The following CSMD1 variants were observed in gnomAD, a reference collection of about 807,000 sequenced individuals.
CSMD1 encodes the protein CUB and sushi domain-containing protein 1.
In CSMD1, 213 loss-of-function variants were observed where a neutral mutation model predicts 417.5. That is an observed-to-expected ratio of 0.51 (90% CI 0.46 to 0.57). The LOEUF (loss-of-function observed/expected upper bound fraction) is 0.57, where lower values mean the gene tolerates loss of function less well. Among genes scored for constraint, CSMD1 ranks in the 20% least tolerant of loss-of-function variants. CSMD1 has a pLI of 0.00. For missense variants in CSMD1, 6,923 were observed against 4,529.7 expected, an observed-to-expected ratio of 1.53 and a Z score of -15.17; for synonymous variants, 2,862 against 1,736.8, an observed-to-expected ratio of 1.65 and a Z score of -16.11.
chr8:4,644,891 G>A (rs1204573869), intron 1 of CSMD1, among the ~76,000 whole-genome samples: 1 of 152,208 alleles, frequency 6.6e-6, no homozygotes, highest in African/African-American at 2.4e-5. Context: ...AATTGTTGAA[G>A]CCTGTGGGTG....
At chr8:3,949,243 A>C (rs1228387794) in intron 5 of CSMD1, among the ~76,000 whole-genome samples, 7 of 152,202 alleles carry the variant, frequency 4.6e-5, no homozygotes, top group Non-Finnish European at 8.8e-5. Flanking sequence ...TTTTGAAAAA[A>C]TACAATATAA....
At chr8:4,115,622 C>A (rs1284709133) in intron 3 of CSMD1, among the ~76,000 whole-genome samples, 1 of 152,116 alleles carries the variant, frequency 6.6e-6, no homozygotes, top group South Asian at 2.1e-4. Flanking sequence ...TGATCAAACT[C>A]CACACTTACC....
intron 1 of CSMD1, among the ~76,000 whole-genome samples, chr8:4,824,110 A>ACT (rs1491164125): frequency 1.5e-5 from 2 of 137,868 alleles, no homozygotes; most frequent in East Asian, 4.2e-4. Context: ...ACACACACAC[A>ACT]CTCTCCCTCT....
intron 2 of CSMD1, among the ~76,000 whole-genome samples, chr8:4,607,479 G>A (rs562907742): frequency 1.3e-5 from 2 of 152,150 alleles, no homozygotes; most frequent in African/African-American, 2.4e-5. Flanking sequence ...ATACGACCCA[G>A]AAAACCCAGG....
intron 3 of CSMD1, among the ~76,000 whole-genome samples, chr8:4,202,743 G>T (rs150429774): frequency 3.5e-4 from 53 of 152,294 alleles, no homozygotes; most frequent in African/African-American, 1.2e-3. Context: ...ATAACTAAGT[G>T]TTACAAAGGG....
chr8:4,639,834 G>T (rs1255258332), intron 1 of CSMD1, among the ~76,000 whole-genome samples: 2 of 152,040 alleles, frequency 1.3e-5, no homozygotes, highest in Non-Finnish European at 2.9e-5. Context: ...TTTAATGAAA[G>T]GGATTTATGA....
At chr8:3,405,596 T>A (rs918391580) in intron 15 of CSMD1, among the ~76,000 whole-genome samples, 1 of 106,252 alleles carries the variant, frequency 9.4e-6, no homozygotes, top group East Asian at 2.8e-4. Context: ...TTAGTTAGGA[T>A]AAGGTGTTGC....
intron 5 of CSMD1, among the ~76,000 whole-genome samples, chr8:3,861,633 T>C (rs955778642): frequency 3.3e-5 from 5 of 152,174 alleles, no homozygotes; most frequent in Non-Finnish European, 4.4e-5. Context: ...GTGAAGCTTG[T>C]TGTCTTGGAG....
At chr8:4,787,287 G>T in intron 1 of CSMD1, 1 of 666,326 alleles carries the variant, frequency 1.5e-6, no homozygotes, top group Non-Finnish European at 2.8e-6. Context: ...CTAGAGCTCT[G>T]CCTCACTTAC....
chr8:4,204,735 G>C (rs1225844517), intron 3 of CSMD1, among the ~76,000 whole-genome samples: 1 of 152,134 alleles, frequency 6.6e-6, no homozygotes, highest in African/African-American at 2.4e-5. Flanking sequence ...GCTCACTGCA[G>C]CCTCAACCTC....
chr8:4,484,956 G>T (rs1461473526), intron 2 of CSMD1, among the ~76,000 whole-genome samples: 19 of 94,470 alleles, frequency 2.0e-4, no homozygotes, highest in African/African-American at 7.1e-4. Context: ...ACTCCAACCT[G>T]GTTGACAGAG....
intron 1 of CSMD1, among the ~76,000 whole-genome samples, chr8:4,977,229 T>A (rs1195976607): frequency 1.3e-5 from 2 of 152,300 alleles, no homozygotes; most frequent in Admixed American, 1.3e-4. Flanking sequence ...TTCCCTTCAA[T>A]AAAAGCCAAG....
chr8:4,670,205 C>G (rs1311077056), intron 1 of CSMD1, among the ~76,000 whole-genome samples: 1 of 152,214 alleles, frequency 6.6e-6, no homozygotes, highest in Non-Finnish European at 1.5e-5. Flanking sequence ...TATATTTCTG[C>G]TATGCCTTCT....
At chr8:3,352,773 G>T (rs1183770990) in intron 21 of CSMD1, among the ~76,000 whole-genome samples, 1 of 152,170 alleles carries the variant, frequency 6.6e-6, no homozygotes, top group Non-Finnish European at 1.5e-5. Flanking sequence ...CCAGGAGGTG[G>T]AGGTTGCAGT....
chr8:3,309,861 G>C (rs552203814), intron 23 of CSMD1, among the ~76,000 whole-genome samples: 3 of 152,268 alleles, frequency 2.0e-5, no homozygotes, highest in East Asian at 1.9e-4. Flanking sequence ...GAGATTTGCA[G>C]CTTTGTATAG....
At chr8:3,765,871 C>A (rs925540635) in intron 5 of CSMD1, among the ~76,000 whole-genome samples, 3 of 152,192 alleles carry the variant, frequency 2.0e-5, no homozygotes, top group African/African-American at 7.2e-5. Flanking sequence ...AGGATGACAG[C>A]ACTTGTGAGA....
At chr8:4,073,539 G>A (rs185438070) in intron 3 of CSMD1, among the ~76,000 whole-genome samples, 1 of 152,066 alleles carries the variant, frequency 6.6e-6, no homozygotes, top group Admixed American at 6.5e-5. Flanking sequence ...GTGCCAGATG[G>A]CATAAAAATA....
intron 1 of CSMD1, among the ~76,000 whole-genome samples, chr8:4,936,588 AAC>A (rs1175247825): frequency 6.6e-6 from 1 of 152,182 alleles, no homozygotes; most frequent in Non-Finnish European, 1.5e-5. Context: ...CTACCTGTGA[AAC>A]ACTTTATTTG....
At chr8:4,174,503 G>C (rs996294556) in intron 3 of CSMD1, among the ~76,000 whole-genome samples, 1 of 151,160 alleles carries the variant, frequency 6.6e-6, no homozygotes, top group Non-Finnish European at 1.5e-5. Flanking sequence ...GAAACTATGG[G>C]TATATATAAT....
Sources: gnomAD v4.1 joint callset for allele counts (sites outside exome capture counted in the v4.1 genomes callset) on GRCh38, gnomAD v4.1.1 for gene constraint, MANE v1.5 for transcripts, NCBI Gene and HGNC (gene_info 2026-07-23, HGNC 2026-07-21) for gene names.